Variants in FYN observed in about 807,000 individuals in gnomAD.
FYN encodes the protein tyrosine-protein kinase Fyn.
In FYN, 10 loss-of-function variants were observed where a neutral mutation model predicts 70.2. The ratio of observed to expected loss-of-function variants is 0.14; its 90% CI spans 0.09 to 0.24. FYN has a LOEUF of 0.24. Among genes scored for constraint, FYN ranks in the 10% least tolerant of loss-of-function variants. FYN has a pLI of 1.00. For missense variants in FYN, 319 were observed against 673.1 expected, an observed-to-expected ratio of 0.47 and a Z score of 5.82; for synonymous variants, 236 against 248.6, an observed-to-expected ratio of 0.95 and a Z score of 0.48.
Position 111,704,033 on chromosome 6 carries a change from A to G in FYN, c.513T>C (p.Gly171=), listed in dbSNP as rs777275989. 8.7e-6 allele frequency: 14 copies of G among 1,614,034 alleles called. No homozygotes were observed. The highest frequency in any genetic ancestry group is 1.0e-5 in the Non-Finnish European group (12 of 1,179,996). The stretch of plus-strand genomic sequence containing the variant: ...TTTCACTCTCGCGGATAAGAAAGGT[A>G]CCTCTTGGGTTTCCAAAGGACAATA... The part of the protein sequence containing the change: ...RQLLSFGNPR[G]TFLIRESETT... Residue 171 remains glycine, a synonymous_variant, in exon 7 of 14, where the codon GGT becomes GGC. Coordinates refer to ENST00000354650, the MANE Select transcript of FYN (RefSeq NM_002037.5).
intron 3 of FYN, among the ~76,000 whole-genome samples, chr6:111,730,486 G>A (rs1005693232): frequency 2.0e-5 from 3 of 152,178 alleles, no homozygotes; most frequent in African/African-American, 7.2e-5. Context: ...TGTGAGTGAG[G>A]TCATGAAGAC....
intron 5 of FYN, among the ~76,000 whole-genome samples, chr6:111,710,796 T>C (rs968808604): frequency 1.3e-5 from 2 of 152,204 alleles, no homozygotes; most frequent in South Asian, 2.1e-4. Flanking sequence ...TTTAGGAAAA[T>C]AGGATCTCTA....
chr6:111,754,218 T>C (rs1802610901), intron 3 of FYN, among the ~76,000 whole-genome samples: 1 of 152,346 alleles, frequency 6.6e-6, no homozygotes, highest in African/African-American at 2.4e-5. Context: ...ACTCTTCTAC[T>C]GTCTGAATAT....
chr6:111,774,105 AC>A (rs1803611632), intron 3 of FYN, among the ~76,000 whole-genome samples: 2 of 152,212 alleles, frequency 1.3e-5, no homozygotes, highest in Admixed American at 1.3e-4. Context: ...CCTGCACTGG[AC>A]ACTGATAGAG....
chr6:111,675,593 G>A (rs1798493798), intron 12 of FYN, among the ~76,000 whole-genome samples: 1 of 151,954 alleles, frequency 6.6e-6, no homozygotes, highest in Non-Finnish European at 1.5e-5. Flanking sequence ...AGGAGTTCAA[G>A]ACCAGCCTGG....
chr6:111,719,699 G>T, intron 4 of FYN, 106 bp downstream of exon 4: 1 of 1,298,454 alleles, frequency 7.7e-7, no homozygotes, highest in Non-Finnish European at 1.1e-6. Context: ...AAACTTACAT[G>T]TGAAACCCCT....
At chr6:111,688,950 C>T (rs906086640) in intron 12 of FYN, among the ~76,000 whole-genome samples, 2 of 152,038 alleles carry the variant, frequency 1.3e-5, no homozygotes, top group African/African-American at 4.8e-5. Context: ...AATAGGGAGA[C>T]AGTATTTTTT....
intron 2 of FYN, among the ~76,000 whole-genome samples, chr6:111,828,411 C>G (rs1413540128): frequency 6.6e-6 from 1 of 152,106 alleles, no homozygotes; most frequent in Non-Finnish European, 1.5e-5. Context: ...TTCTGGGTAT[C>G]TAGTTGAAAA....
At position 111,694,690 on chromosome 6, in the gene FYN, A is replaced by C. The variant is rs1799499716; in HGVS notation, c.1057T>G (p.Phe353Val). 6.2e-7 allele frequency: 1 copy of C among 1,613,552 alleles called. No individual in the cohort carries two copies. Among genetic ancestry groups the C allele is most frequent in the Non-Finnish European group, 8.5e-7 (1 of 1,179,656 alleles). The change falls in exon 11 of 14, where the codon TTC (phenylalanine) becomes GTC (valine). Residue 353 changes from phenylalanine to valine, a missense_variant. Phe to Val is a conservative substitution (Grantham distance 50). Transcript: ENST00000354650. This position sits in a 1 kb window ranked among gnomAD's most constrained non-coding sequence, Gnocchi z 5.0. ...GCTCTTCCTTCTCCATCTTTTAAGA[A>C]ATCCAGTAAACTTCCTATGAACAAA... Reference protein sequence around the residue: ...EYMNKGSLLDFLKDGEGRALK... With the variant: ...EYMNKGSLLDVLKDGEGRALK...
intron 6 of FYN, among the ~76,000 whole-genome samples, chr6:111,704,400 C>A (rs534837672): frequency 1.3e-5 from 2 of 152,180 alleles, no homozygotes; most frequent in Non-Finnish European, 2.9e-5. Flanking sequence ...ATGCAAAAAA[C>A]CAGAAATCTA....
chr6:111,690,558 T>C (rs1237165092), intron 12 of FYN, among the ~76,000 whole-genome samples: 1 of 152,254 alleles, frequency 6.6e-6, no homozygotes, highest in South Asian at 2.1e-4. Flanking sequence ...TGAATAGTGT[T>C]TGAGACTTTC....
chr6:111,809,898 T>C (rs1027614547), intron 2 of FYN, among the ~76,000 whole-genome samples: 1 of 152,164 alleles, frequency 6.6e-6, no homozygotes, highest in African/African-American at 2.4e-5. Flanking sequence ...AGTATACAAA[T>C]GACTAAAGTG....
At chr6:111,773,461 GT>G in intron 3 of FYN, among the ~76,000 whole-genome samples, 1 of 80,958 alleles carries the variant, frequency 1.2e-5, no homozygotes, top group Non-Finnish European at 2.5e-5. Context: ...GAGGGAGAGA[GT>G]GGGAAAGGGA....
At chr6:111,731,935 A>G (rs746422376) in intron 3 of FYN, among the ~76,000 whole-genome samples, 7 of 152,204 alleles carry the variant, frequency 4.6e-5, no homozygotes, top group Non-Finnish European at 8.8e-5. Context: ...ATTGAGTGCC[A>G]AGAGAGACAC....
intron 6 of FYN, among the ~76,000 whole-genome samples, chr6:111,706,457 A>T (rs563341660): frequency 5.9e-5 from 9 of 152,340 alleles, no homozygotes; most frequent in African/African-American, 2.2e-4. Flanking sequence ...ACTTTTAGAA[A>T]CACCAAAATG....
At chr6:111,806,758 C>T (rs1772162786) in intron 2 of FYN, among the ~76,000 whole-genome samples, 1 of 152,174 alleles carries the variant, frequency 6.6e-6, no homozygotes, top group African/African-American at 2.4e-5. Flanking sequence ...CATGCTGACT[C>T]AGTGGAATGC....
intron 1 of FYN, among the ~76,000 whole-genome samples, chr6:111,862,165 TTG>T (rs1405687840): frequency 6.6e-6 from 1 of 152,224 alleles, no homozygotes; most frequent in Non-Finnish European, 1.5e-5. Flanking sequence ...CCTCTAGATT[TTG>T]AAGAATTCTG....
chr6:111,692,977 G>A (rs911855127), intron 12 of FYN, among the ~76,000 whole-genome samples: 6 of 152,370 alleles, frequency 3.9e-5, no homozygotes, highest in Middle Eastern at 3.4e-3. Context: ...TGTGTGTAAC[G>A]CACGGGTATG....
chr6:111,828,046 A>C (rs1772895405), intron 2 of FYN, among the ~76,000 whole-genome samples: 1 of 152,210 alleles, frequency 6.6e-6, no homozygotes, highest in Admixed American at 6.5e-5. Context: ...GTTCTAGAGT[A>C]GCGGAGGAAC....
Sources: gnomAD v4.1 joint callset for allele counts (sites outside exome capture counted in the v4.1 genomes callset) on GRCh38, gnomAD v4.1.1 for gene constraint, Gnocchi (gnomAD v3.1) non-coding constraint, MANE v1.5 for transcripts, NCBI Gene and HGNC (gene_info 2026-07-23, HGNC 2026-07-21) for gene names.